GPC6: variants seen among roughly 807,000 people sequenced by gnomAD.
The protein encoded by GPC6 is glypican-6.
A neutral mutation model predicts 55.2 loss-of-function variants in GPC6; 14 were observed. The ratio of observed to expected loss-of-function variants is 0.25; its 90% CI spans 0.17 to 0.40. The LOEUF (loss-of-function observed/expected upper bound fraction) is 0.40. Ranked by LOEUF, GPC6 falls within the 10% of genes least tolerant of loss-of-function variation. The pLI, the probability that GPC6 is intolerant of heterozygous loss-of-function variation, is 1.00. For synonymous variants in GPC6, 278 were observed against 259.6 expected, an observed-to-expected ratio of 1.07 and a Z score of -0.68; for missense variants, 641 against 708.5, an observed-to-expected ratio of 0.90 and a Z score of 1.08.
In GPC6 at chr13:94,372,968, C is replaced by T. The variant is rs1186877042; in HGVS notation, c.1153-9446C>T. Among the ~76,000 whole-genome samples, 9 of 152,112 alleles carry T rather than the reference C, an allele frequency of 5.9e-5. No individual in the cohort carries two copies. The East Asian group carries it at 7.7e-4, about 13-fold the overall frequency. On this transcript the variant is annotated intron_variant, in intron 6 of 8. Transcript: ENST00000377047. ...AGCAGGAGCACACTGACACCTCACA[C>T]GGCAGGGTATTCCAACAGACCTGCA...
chr13:94,122,058 A>G (rs775533285), intron 4 of GPC6, among the ~76,000 whole-genome samples: 3 of 152,120 alleles, frequency 2.0e-5, no homozygotes, highest in Admixed American at 6.6e-5. Context: ...TAAAAGATAG[A>G]CTATGTCTGA....
chr13:93,912,720 G>A (rs1005287785), intron 3 of GPC6, among the ~76,000 whole-genome samples: 4 of 152,154 alleles, frequency 2.6e-5, no homozygotes, highest in African/African-American at 9.7e-5. Flanking sequence ...TCCAGCCTGG[G>A]CGACAGATAG....
intron 4 of GPC6, among the ~76,000 whole-genome samples, chr13:94,142,899 G>A (rs1183038337): frequency 1.3e-5 from 2 of 151,554 alleles, no homozygotes; most frequent in Non-Finnish European, 2.9e-5. Context: ...CACGATCGCG[G>A]CTTACAGCAA....
intron 4 of GPC6, among the ~76,000 whole-genome samples, chr13:94,270,174 A>T (rs1318489799): frequency 1.3e-5 from 2 of 152,186 alleles, no homozygotes; most frequent in African/African-American, 4.8e-5. Context: ...TTGAATTTTT[A>T]TGTTTATTAA....
At chr13:93,559,755 C>T (rs920360549) in intron 2 of GPC6, among the ~76,000 whole-genome samples, 6 of 152,198 alleles carry the variant, frequency 3.9e-5, no homozygotes, top group African/African-American at 1.4e-4. Flanking sequence ...CAGCTAACAT[C>T]TCCATTTTTT....
At chr13:94,382,731 C>G (rs1435996521) in intron 7 of GPC6, among the ~76,000 whole-genome samples, 181 bp downstream of exon 7, 2 of 152,192 alleles carry the variant, frequency 1.3e-5, no homozygotes, top group African/African-American at 4.8e-5. Context: ...AGCACTTACT[C>G]TTAAGGTGCC....
intron 2 of GPC6, among the ~76,000 whole-genome samples, chr13:93,739,221 C>T (rs1442435796): frequency 6.6e-6 from 1 of 152,046 alleles, no homozygotes; most frequent in Non-Finnish European, 1.5e-5. Context: ...CTTTCCCTAC[C>T]TTCCCCATCA....
intron 1 of GPC6, among the ~76,000 whole-genome samples, chr13:93,390,736 T>C (rs1183858059): frequency 6.6e-6 from 1 of 152,134 alleles, no homozygotes; most frequent in Non-Finnish European, 1.5e-5. Context: ...AATATGTTTG[T>C]TAAAAATAGC....
At chr13:93,906,453 A>C (rs764681003) in intron 3 of GPC6, among the ~76,000 whole-genome samples, 2 of 152,104 alleles carry the variant, frequency 1.3e-5, no homozygotes, top group Non-Finnish European at 2.9e-5. Context: ...AGAGTCATTC[A>C]TTTTCAAGCA....
At chr13:94,363,405 G>A (rs1014008283) in intron 6 of GPC6, among the ~76,000 whole-genome samples, 1 of 152,120 alleles carries the variant, frequency 6.6e-6, no homozygotes, top group African/African-American at 2.4e-5. Context: ...ACCTAACTTC[G>A]ATTCAGTTCT....
At chr13:94,034,200 A>AGAAAGAAGGAAG (rs796156525) in intron 4 of GPC6, among the ~76,000 whole-genome samples, 2,634 of 72,598 alleles carry the variant, frequency 0.036, 45 homozygotes, top group Middle Eastern at 0.076. Context: ...AAAGAAAGAA[A>AGAAAGAAGGAAG]GAAGGAAGGA....
At chr13:93,343,419 C>T (rs74110533) in intron 1 of GPC6, among the ~76,000 whole-genome samples, 4,095 of 152,182 alleles carry the variant, frequency 0.027, 174 homozygotes, top group African/African-American at 0.094. Flanking sequence ...CCCAGTATTT[C>T]ATAACTGGTT....
chr13:94,089,157 C>T (rs1885391217), intron 4 of GPC6, among the ~76,000 whole-genome samples: 1 of 152,280 alleles, frequency 6.6e-6, no homozygotes, highest in East Asian at 1.9e-4. Context: ...AATCCAGGAG[C>T]TGCTGTATGC....
At chr13:94,131,915 T>C (rs954358953) in intron 4 of GPC6, among the ~76,000 whole-genome samples, 2 of 152,194 alleles carry the variant, frequency 1.3e-5, no homozygotes, top group South Asian at 4.1e-4. Context: ...AAGGATTTCA[T>C]AGTCAAATAG....
At chr13:93,468,192 C>T (rs774889101) in intron 1 of GPC6, among the ~76,000 whole-genome samples, 3 of 151,942 alleles carry the variant, frequency 2.0e-5, no homozygotes, top group Non-Finnish European at 2.9e-5. Flanking sequence ...TTTATGCCCA[C>T]ATATACACGA....
chr13:93,696,881 C>T (rs915670873), intron 2 of GPC6, among the ~76,000 whole-genome samples: 1 of 152,040 alleles, frequency 6.6e-6, no homozygotes, highest in African/African-American at 2.4e-5. Context: ...ACCTCGGCCT[C>T]CCAAAGTGCT....
intron 2 of GPC6, among the ~76,000 whole-genome samples, chr13:93,716,973 G>T (rs556357478): frequency 6.6e-6 from 1 of 151,684 alleles, no homozygotes; most frequent in African/African-American, 2.4e-5. Context: ...ACAGTAAAAT[G>T]CTGTACAGGT....
intron 2 of GPC6, among the ~76,000 whole-genome samples, chr13:93,803,581 A>C (rs1886445700): frequency 6.6e-6 from 1 of 152,178 alleles, no homozygotes; most frequent in Non-Finnish European, 1.5e-5. Flanking sequence ...TTCACAACTA[A>C]GTATATACCT....
chr13:93,531,793 T>G (rs116800844), intron 1 of GPC6, among the ~76,000 whole-genome samples: 2,226 of 152,254 alleles, frequency 0.015, 45 homozygotes, highest in African/African-American at 0.049. Context: ...TTGTAAAAAT[T>G]TATTTCATAC....
Sources: gnomAD v4.1 joint callset for allele counts (sites outside exome capture counted in the v4.1 genomes callset) on GRCh38, gnomAD v4.1.1 for gene constraint, MANE v1.5 for transcripts, NCBI Gene and HGNC (gene_info 2026-07-23, HGNC 2026-07-21) for gene names.